NIPAL2: variants seen among roughly 807,000 people sequenced by gnomAD.
The protein encoded by NIPAL2 is NIPA like domain containing 2, also known as NIPA-like protein 2.
Under a neutral mutation model 48.9 loss-of-function variants are expected in NIPAL2, and 43 were observed. That is an observed-to-expected ratio of 0.88 (90% CI 0.69 to 1.13). The LOEUF (loss-of-function observed/expected upper bound fraction) is 1.13. NIPAL2 is among the 50% of genes most tolerant of loss of function. The probability of loss-of-function intolerance (pLI) is 0.00; values close to 1 mark genes in which losing one functional copy is unlikely to be tolerated. For synonymous variants in NIPAL2, 167 were observed against 174.6 expected, an observed-to-expected ratio of 0.96 and a Z score of 0.34; for missense variants, 446 against 461.4, an observed-to-expected ratio of 0.97 and a Z score of 0.31.
Position 98,192,211 on chromosome 8 carries a change from C to T in NIPAL2, c.*767G>A, listed in dbSNP as rs1810330274. Reference sequence around the variant, plus strand: ...AACAAACATTAGTCCTACTTTTTGTCTCTAACGCTTCATGAATTTATGTGT... The same window carrying T: ...AACAAACATTAGTCCTACTTTTTGTTTCTAACGCTTCATGAATTTATGTGT... On this transcript the variant is annotated 3_prime_UTR_variant, in exon 11 of 11. Transcript: ENST00000430223. 2 of 152,164 alleles carry T rather than the reference C, an allele frequency of 1.3e-5. No homozygotes were observed. The highest frequency in any genetic ancestry group is 4.8e-5 in the African/African-American group (2 of 41,528). The allele number at this position is 152,164 out of a possible 1,614,324, so 9.4% of individuals were successfully genotyped here.
chr8:98,255,615 A>G (rs1813846500), intron 1 of NIPAL2, among the ~76,000 whole-genome samples: 1 of 152,252 alleles, frequency 6.6e-6, no homozygotes, highest in East Asian at 1.9e-4. Context: ...TAATATCCAT[A>G]TTCTTTAATC....
At chr8:98,193,726 C>G (rs546073619) in intron 10 of NIPAL2, among the ~76,000 whole-genome samples, 1 of 151,658 alleles carries the variant, frequency 6.6e-6, no homozygotes, top group Non-Finnish European at 1.5e-5. Context: ...TCACTTGAAC[C>G]CGGGAGGGGG....
chr8:98,288,538 T>G (rs1007652852), intron 1 of NIPAL2, among the ~76,000 whole-genome samples: 1 of 151,524 alleles, frequency 6.6e-6, no homozygotes, highest in African/African-American at 2.4e-5. Flanking sequence ...TGATTTATAG[T>G]CCTTTGGGTA....
chr8:98,216,786 C>A (rs999030822), intron 5 of NIPAL2, among the ~76,000 whole-genome samples: 7 of 152,158 alleles, frequency 4.6e-5, no homozygotes, highest in Non-Finnish European at 7.3e-5. Context: ...CATGACCAAG[C>A]CTGCCAAAGA....
chr8:98,252,587 G>A lies in NIPAL2; in HGVS notation c.252C>T (p.Tyr84=), dbSNP rs148489806. ...CACCCCACCACAGCACACTCTTGAA[G>A]TATGGCCTTGGGTGCTCTTGTTGTG... ...QLAQQEHPRP[Y]FKSVLWWGGV... The change falls in exon 3 of 11, where the codon TAC becomes TAT. Residue 84 remains tyrosine, a synonymous_variant. Transcript: ENST00000430223. The A allele has an allele frequency of 1.2e-4, 197 of 1,613,980 alleles. No individual in the cohort carries two copies. The African/African-American group carries it at 2.4e-3, about 20-fold the overall frequency.
At chr8:98,229,844 A>G (rs569436546) in intron 4 of NIPAL2, among the ~76,000 whole-genome samples, 20 of 152,362 alleles carry the variant, frequency 1.3e-4, no homozygotes, top group African/African-American at 4.6e-4. Context: ...TGCTTTATAC[A>G]TAACTAATTT....
chr8:98,235,324 C>T (rs1280608097), intron 4 of NIPAL2, among the ~76,000 whole-genome samples: 1 of 152,178 alleles, frequency 6.6e-6, no homozygotes, highest in African/African-American at 2.4e-5. Context: ...CCAACAATAG[C>T]TGGAAAATTC....
chr8:98,219,466 G>T (rs557622902), intron 5 of NIPAL2, among the ~76,000 whole-genome samples: 1 of 152,278 alleles, frequency 6.6e-6, no homozygotes, highest in African/African-American at 2.4e-5. Context: ...GAGGACAGAG[G>T]TTCCAGAAGA....
At chr8:98,225,047 G>A (rs528725879) in intron 4 of NIPAL2, among the ~76,000 whole-genome samples, 8 of 152,184 alleles carry the variant, frequency 5.3e-5, no homozygotes, top group South Asian at 4.2e-4. Context: ...GTGAGCCACC[G>A]TGCCCGGCTG....
Position 98,256,472 on chromosome 8 carries a change from T to C in NIPAL2, c.136-2385A>G, listed in dbSNP as rs118110083. ...CAATTCAACAACAAAAACATCCTGA[T>C]TAAAAAATGGGCAAAGGACTTGAAT... On this transcript the variant is annotated intron_variant, in intron 1 of 10. Coordinates refer to ENST00000430223, the MANE Select transcript of NIPAL2 (RefSeq NM_001321635.2). Among the ~76,000 whole-genome samples the C allele has an allele frequency of 1.2e-3, 181 of 152,178 alleles. 1 individual carries two copies. The East Asian group carries it at 0.03, about 26-fold the overall frequency.
chr8:98,239,723 GTTT>G (rs1239815537), intron 3 of NIPAL2, among the ~76,000 whole-genome samples: 2 of 151,852 alleles, frequency 1.3e-5, no homozygotes, highest in East Asian at 3.9e-4. Flanking sequence ...AGATTTTTTA[GTTT>G]TATTTATCTA....
chr8:98,235,537 C>T (rs7823923), intron 4 of NIPAL2, among the ~76,000 whole-genome samples: 3,058 of 152,154 alleles, frequency 0.02, 118 homozygotes, highest in African/African-American at 0.069. Flanking sequence ...GCAATACTTT[C>T]GTGTAACAAT....
rs1251963562 is a variant in NIPAL2 at position 98,294,102 on chromosome 8, G to A, written c.36C>T (p.Ser12=). ...ACAGCTCGTCCAGGGCGGCCGAGGC[G>A]GAGTCCCCGGGGCCCGCGGGCGCCA... ...AAVAPAGPGD[S]ASAALDELSL... Residue 12 remains serine (S), a synonymous_variant, in exon 1 of 11, where the codon TCC becomes TCT. Coordinates refer to ENST00000430223, the MANE Select transcript of NIPAL2 (RefSeq NM_001321635.2). The A allele has an allele frequency of 6.7e-7, 1 of 1,487,432 alleles. No individual in the cohort carries two copies. The highest frequency in any genetic ancestry group is 8.9e-7 in the Non-Finnish European group (1 of 1,119,140). 92.1% of individuals were successfully genotyped at this position (1,487,432 alleles called of 1,614,324 possible). A position where few individuals can be genotyped will look rare whatever the true frequency, so the allele number is the denominator to read the frequency against.
At chr8:98,251,898 G>T (rs1294540572) in intron 3 of NIPAL2, 1 of 152,062 alleles carries the variant, frequency 6.6e-6, no homozygotes, top group Non-Finnish European at 1.5e-5. Flanking sequence ...TTTTAGCAAT[G>T]ATTTTTGCTC....
At chr8:98,197,668 C>T (rs1044968914) in intron 8 of NIPAL2, among the ~76,000 whole-genome samples, 2 of 152,300 alleles carry the variant, frequency 1.3e-5, no homozygotes, top group Admixed American at 6.5e-5. Context: ...TTCATTTCAA[C>T]AATGTTCCTA....
chr8:98,266,722 A>G (rs193145559), intron 1 of NIPAL2, among the ~76,000 whole-genome samples: 183 of 152,248 alleles, frequency 1.2e-3, no homozygotes, highest in African/African-American at 4.2e-3. Flanking sequence ...ACCATTACAC[A>G]TGCGAGCAAA....
At chr8:98,277,712 C>A (rs541553885) in intron 1 of NIPAL2, among the ~76,000 whole-genome samples, 24 of 152,214 alleles carry the variant, frequency 1.6e-4, no homozygotes, top group Admixed American at 2.6e-4. Flanking sequence ...TAGTATGTGG[C>A]CTTTTATGCC....
chr8:98,255,006 T>C (rs1012380598), intron 1 of NIPAL2, among the ~76,000 whole-genome samples: 8 of 152,236 alleles, frequency 5.3e-5, no homozygotes. Context: ...TATATTATCA[T>C]GTTTGCTCAA....
intron 1 of NIPAL2, among the ~76,000 whole-genome samples, chr8:98,260,108 A>C (rs1015381036): frequency 6.6e-6 from 1 of 152,148 alleles, no homozygotes; most frequent in African/African-American, 2.4e-5. Context: ...TATTTTGCTG[A>C]GGGTTACCAT....
Sources: gnomAD v4.1 joint callset for allele counts (sites outside exome capture counted in the v4.1 genomes callset) on GRCh38, gnomAD v4.1.1 for gene constraint, MANE v1.5 for transcripts, NCBI Gene and HGNC (gene_info 2026-07-23, HGNC 2026-07-21) for gene names.